DEUP1: variants seen among roughly 807,000 people sequenced by gnomAD.
The protein encoded by DEUP1 is coiled-coil domain containing 67.
Under a neutral mutation model 87.4 loss-of-function variants are expected in DEUP1, and 82 were observed. The observed-to-expected ratio is 0.94, with a 90% CI of 0.78 to 1.13. DEUP1 has a LOEUF of 1.13. DEUP1 is among the 50% of genes most tolerant of loss of function. The pLI, the probability that DEUP1 is intolerant of heterozygous loss-of-function variation, is 0.00. For synonymous variants in DEUP1, 214 were observed against 222.7 expected (o/e 0.96, Z 0.35); for missense variants, 663 against 681.5 (o/e 0.97, Z 0.30).
rs2605584 is a variant in DEUP1, at chr11:93,437,759, G to A, written c.*40G>A. ...TTATTTGCTTCCCCCCCCCACCCCC[G>A]CCAAGAAAAAAAGCTCTGGCAAAAT... On this transcript the variant is annotated 3_prime_UTR_variant, in exon 14 of 14. Coordinates refer to ENST00000298050, the MANE Select transcript of DEUP1 (RefSeq NM_181645.4). The A allele has an allele frequency of 0.54, 521,113 of 973,908 alleles. 137,980 individuals carry two copies. Among genetic ancestry groups the A allele is most frequent in the African/African-American group, 0.63 (32,825 of 51,856 alleles). 60.3% of individuals were successfully genotyped at this position (973,908 alleles called of 1,614,324 possible).
Position 93,437,683 on chromosome 11 carries a change from T to A in DEUP1, c.1779T>A (p.Asn593Lys). The A allele has an allele frequency of 6.2e-7, 1 of 1,606,910 alleles. No homozygotes were observed. Among genetic ancestry groups the A allele is most frequent in the Non-Finnish European group, 8.5e-7 (1 of 1,174,238 alleles). ...AAAGACACACAGAATTTACTCTTAA[T>A]AAATACTCCAAGCTAAAACAAAATA... ...ELQRHTEFTL[N>K]KYSKLKQNRH... Residue 593 changes from asparagine to lysine, a missense_variant, in exon 14 of 14, where the codon AAT (asparagine) becomes AAA (lysine). Transcript: ENST00000298050.
In DEUP1 at chr11:93,415,045, G is replaced by A. The variant is rs745745639; in HGVS notation, c.1569G>A (p.Leu523=). ...CEPNRSTMPP[L]PPSTFQAKEM... The stretch of plus-strand genomic sequence containing the variant: ...CAAACAGAAGTACAATGCCTCCCTT[G>A]CCACCTTCGACATTTCAAGCCAAAG... The change falls in exon 13 of 14, where the codon TTG becomes TTA. Residue 523 remains leucine (L), a synonymous_variant. Coordinates refer to ENST00000298050, the MANE Select transcript of DEUP1 (RefSeq NM_181645.4). The A allele has an allele frequency of 6.2e-7, 1 of 1,604,554 alleles. No homozygotes were observed. The highest frequency in any genetic ancestry group is 1.1e-5 in the South Asian group (1 of 88,510).
chr11:93,373,611 A>ATATG (rs1461633018), intron 7 of DEUP1, among the ~76,000 whole-genome samples: 1 of 90,628 alleles, frequency 1.1e-5, no homozygotes, highest in South Asian at 4.6e-4. Flanking sequence ...ATATTTATAT[A>ATATG]TGTATATATA....
chr11:93,335,010 T>G (rs1943681858), intron 2 of DEUP1, among the ~76,000 whole-genome samples: 1 of 152,196 alleles, frequency 6.6e-6, no homozygotes, highest in Non-Finnish European at 1.5e-5. Context: ...GCTTCAGTTA[T>G]TTTCATGATT....
chr11:93,373,625 GTATATATATATA>G (rs1555048258), intron 7 of DEUP1, among the ~76,000 whole-genome samples: 9 of 67,010 alleles, frequency 1.3e-4, no homozygotes, highest in African/African-American at 3.2e-4. Context: ...ATATATATAC[GTATATATATATA>G]TATATATATA....
intron 5 of DEUP1, among the ~76,000 whole-genome samples, chr11:93,366,667 A>G (rs556241591): frequency 3.1e-4 from 47 of 152,302 alleles, no homozygotes; most frequent in Non-Finnish European, 4.7e-4. Context: ...GCACCTGCTG[A>G]TATGTTTGTG....
intron 13 of DEUP1, among the ~76,000 whole-genome samples, chr11:93,416,446 C>G (rs2134452732): frequency 6.6e-6 from 1 of 152,282 alleles, no homozygotes. Flanking sequence ...GGATAAATTC[C>G]TCGACACATA....
rs1946944139 is a variant in DEUP1 at position 93,396,313 on chromosome 11, CGG to C, written c.1315_1316del (p.Gly439ArgfsTer9). ...AAGGAATGATGGGAGATTTAGACCC[CGG>C]AGAATACATGGTAATATGCTGACAT... is the stretch of plus-strand genomic sequence containing the variant. ...LKGMMGDLDP[G>X]EYMSMDFTNR... On this transcript the variant is annotated frameshift_variant, in exon 11 of 14. Coordinates refer to ENST00000298050, the MANE Select transcript of DEUP1 (RefSeq NM_181645.4). LOFTEE classifies it high-confidence loss of function. 6.4e-6 allele frequency: 10 copies of C among 1,561,762 alleles called. No individual in the cohort carries two copies. Among genetic ancestry groups the C allele is most frequent in the Non-Finnish European group, 8.7e-6 (10 of 1,147,602 alleles).
chr11:93,397,467 G>T (rs1477652217), intron 11 of DEUP1, among the ~76,000 whole-genome samples: 1 of 152,088 alleles, frequency 6.6e-6, no homozygotes, highest in East Asian at 1.9e-4. Flanking sequence ...GCCTCCGTGA[G>T]TGCTTTTTTC....
At chr11:93,333,802 A>G (rs1168697904) in intron 2 of DEUP1, among the ~76,000 whole-genome samples, 1 of 152,200 alleles carries the variant, frequency 6.6e-6, no homozygotes, top group African/African-American at 2.4e-5. Flanking sequence ...AATGGATGGC[A>G]ATGAGATGCA....
At chr11:93,378,032 T>C (rs1037857929) in intron 7 of DEUP1, among the ~76,000 whole-genome samples, 25 of 152,212 alleles carry the variant, frequency 1.6e-4, no homozygotes, top group Non-Finnish European at 1.3e-4. Context: ...CTCACAGCTC[T>C]TAAGATTCTT....
chr11:93,436,797 CA>C lies in DEUP1; in HGVS notation c.1639-737del, dbSNP rs202168551. 7.4e-3 allele frequency among the ~76,000 whole-genome samples: 1,113 copies of C among 151,118 alleles called. 12 individuals are homozygous for C. Among genetic ancestry groups the C allele is most frequent in the African/African-American group, 0.024 (1,011 of 41,278 alleles). On this transcript the variant is annotated intron_variant, in intron 13 of 13. Coordinates refer to ENST00000298050, the MANE Select transcript of DEUP1 (RefSeq NM_181645.4). ...AAAATTAAAGTACAGATTTCCCCAA[CA>C]AAAAAAAATTACTTAATTTTTGTAT... is the stretch of plus-strand genomic sequence containing the variant.
At chr11:93,380,777 A>G (rs1284496502) in intron 7 of DEUP1, among the ~76,000 whole-genome samples, 2 of 152,092 alleles carry the variant, frequency 1.3e-5, no homozygotes, top group Non-Finnish European at 2.9e-5. Flanking sequence ...TTATTTTTTT[A>G]CAAGTATTTG....
chr11:93,436,952 C>T (rs533509376), intron 13 of DEUP1, among the ~76,000 whole-genome samples: 1 of 152,014 alleles, frequency 6.6e-6, no homozygotes, highest in Non-Finnish European at 1.5e-5. Context: ...TTTCATGTCA[C>T]CATGAAGGGT....
At chr11:93,429,655 A>C (rs1316301846) in intron 13 of DEUP1, among the ~76,000 whole-genome samples, 1 of 152,126 alleles carries the variant, frequency 6.6e-6, no homozygotes, top group Non-Finnish European at 1.5e-5. Context: ...CTCCTTTAGA[A>C]TGTATGCTCC....
intron 7 of DEUP1, among the ~76,000 whole-genome samples, chr11:93,379,882 C>T (rs1361532496): frequency 6.6e-6 from 1 of 152,140 alleles, no homozygotes; most frequent in African/African-American, 2.4e-5. Context: ...ATATAACTAA[C>T]AAAATTAAAA....
In DEUP1 at chr11:93,393,799, G is replaced by T. The variant is rs189149906; in HGVS notation, c.1042-660G>T. Among the ~76,000 whole-genome samples, 4 of 152,300 alleles carry T rather than the reference G, an allele frequency of 2.6e-5. No individual in the cohort carries two copies. The East Asian group carries it at 7.7e-4, about 29-fold the overall frequency. On this transcript the variant is annotated intron_variant, in intron 9 of 13. Coordinates refer to ENST00000298050, the MANE Select transcript of DEUP1 (RefSeq NM_181645.4). ...GAGACAGAGGCAAGACTTAAAAGAG[G>T]TTGAAATAGAATGGACAGAATTCAT...
chr11:93,387,834 T>C (rs1946632088), intron 8 of DEUP1, among the ~76,000 whole-genome samples: 1 of 152,100 alleles, frequency 6.6e-6, no homozygotes, highest in Non-Finnish European at 1.5e-5. Context: ...TCACAATATA[T>C]TACTAAGTAG....
upstream of DEUP1, chr11:93,330,606 G>T: frequency 6.6e-6 from 1 of 152,526 alleles, no homozygotes; most frequent in South Asian, 1.9e-4. Flanking sequence ...CGCGCGGGGA[G>T]GGAGAGGCCC....
Sources: allele counts gnomAD v4.1 joint callset (sites outside exome capture counted in the v4.1 genomes callset), GRCh38; gene constraint gnomAD v4.1.1; transcripts MANE v1.5; gene names NCBI Gene and HGNC (gene_info 2026-07-23, HGNC 2026-07-21).